Variants in ARID5B observed in about 807,000 individuals in gnomAD.
ARID5B encodes AT-rich interactive domain-containing protein 5B.
In ARID5B, 13 loss-of-function variants were observed where a neutral mutation model predicts 97.2. The observed-to-expected ratio is 0.13, with a 90% confidence interval of 0.09 to 0.21. The LOEUF is 0.21. ARID5B is among the 10% of genes least tolerant of loss of function. The probability of loss-of-function intolerance (pLI) is 1.00; values close to 1 mark genes in which losing one functional copy is unlikely to be tolerated. For missense variants in ARID5B, 1,210 were observed against 1,465.3 expected (o/e 0.83, Z 2.84); for synonymous variants, 556 against 570.3 (o/e 0.97, Z 0.36).
rs992667993 is a variant in ARID5B at position 61,909,321 on chromosome 10, T to G, written c.276+6908T>G. The stretch of plus-strand genomic sequence containing the variant: ...AATATTTAGTGCTATTCAGTGAGTT[T>G]TTTTTTTTTTTTTTTTTTTTTTGAG... On this transcript the variant is annotated intron_variant, in intron 2 of 9. Transcript: ENST00000279873. 2.3e-5 allele frequency among the ~76,000 whole-genome samples: 3 copies of G among 127,734 alleles called. No individual in the cohort carries two copies. In the East Asian group the frequency reaches 6.3e-4, roughly 27 times the overall value. The allele number at this position is 127,734 out of a possible 152,430, so 83.8% of individuals were successfully genotyped here.
intron 4 of ARID5B, among the ~76,000 whole-genome samples, chr10:62,001,491 C>T (rs1169614779): frequency 6.6e-6 from 1 of 152,204 alleles, no homozygotes; most frequent in Non-Finnish European, 1.5e-5. Flanking sequence ...ATTCAGGTTA[C>T]TCTGCTTATC....
intron 3 of ARID5B, among the ~76,000 whole-genome samples, chr10:61,989,061 C>G (rs955221391): frequency 2.7e-5 from 4 of 150,880 alleles, no homozygotes; most frequent in Admixed American, 1.3e-4. Flanking sequence ...TCCCAAGTAG[C>G]TGGGACTACA....
intron 2 of ARID5B, among the ~76,000 whole-genome samples, chr10:61,903,163 G>A (rs1843645616): frequency 1.3e-5 from 2 of 152,074 alleles, no homozygotes; most frequent in South Asian, 4.1e-4. Context: ...ATCTTTGGGG[G>A]TGTGTGGGAC....
rs147592506 is a variant in ARID5B at position 62,092,148 on chromosome 10, G to A, written c.2685G>A (p.Ala895=). Residue 895 remains alanine (A), a synonymous_variant, in exon 10 of 10, where the codon GCG becomes GCA. Coordinates refer to ENST00000279873, the MANE Select transcript of ARID5B (RefSeq NM_032199.3). ...TGCACCTGCAAGACAAAAAGTCGGCGGCAGCAGAAGCCCCTACGGATGATC... is the reference window on the plus strand; with the variant it reads ...TGCACCTGCAAGACAAAAAGTCGGCAGCAGCAGAAGCCCCTACGGATGATC... ...TSLHLQDKKS[A]AAEAPTDDQP... The A allele has an allele frequency of 3.1e-6, 5 of 1,607,368 alleles. No homozygotes were observed. The highest frequency in any genetic ancestry group is 1.1e-5 in the South Asian group (1 of 90,052).
rs1207261525 is a variant in ARID5B at position 62,000,866 on chromosome 10, T to TAGATAGAG, written c.733+552_733+553insGAGATAGA. 2.0e-5 allele frequency among the ~76,000 whole-genome samples: 3 copies of TAGATAGAG among 151,614 alleles called. No homozygotes were observed. The highest frequency in any genetic ancestry group is 7.3e-5 in the African/African-American group (3 of 41,220). ...ATAGATAGATAGATAGATAGATAGA[T>TAGATAGAG]AGATAGATGATAGGTGATAGATATC... On this transcript the variant is annotated intron_variant, in intron 4 of 9. Transcript: ENST00000279873. This position sits in a 1 kb window ranked among gnomAD's most constrained non-coding sequence, Gnocchi z 4.4.
chr10:61,943,338 C>T (rs1407333027), intron 3 of ARID5B, among the ~76,000 whole-genome samples: 4 of 152,124 alleles, frequency 2.6e-5, no homozygotes, highest in African/African-American at 9.7e-5. Context: ...CTGTTGGTCA[C>T]ACTGAAACCA....
In ARID5B at chr10:61,956,465, C is replaced by T. The variant is rs183927324; in HGVS notation, c.502+16057C>T. On this transcript the variant is annotated intron_variant, in intron 3 of 9. Coordinates refer to ENST00000279873, the MANE Select transcript of ARID5B (RefSeq NM_032199.3). ...CATAAACAATTGTATTAACTGTATACTGTTGTTTCCAGTTCTATTCTTATA... is the reference window on the plus strand; with the variant it reads ...CATAAACAATTGTATTAACTGTATATTGTTGTTTCCAGTTCTATTCTTATA... Among the ~76,000 whole-genome samples the T allele has an allele frequency of 1.7e-3, 252 of 152,356 alleles. No individual in the cohort carries two copies. The Middle Eastern group carries it at 0.034, about 21-fold the overall frequency.
chr10:61,941,039 G>T, intron 3 of ARID5B, among the ~76,000 whole-genome samples: 1 of 123,010 alleles, frequency 8.1e-6, no homozygotes, highest in South Asian at 2.8e-4. Flanking sequence ...GGAGAACTTG[G>T]GCTTTGGAGT....
At chr10:62,086,703 A>G (rs1413580944) in intron 9 of ARID5B, among the ~76,000 whole-genome samples, 2 of 143,742 alleles carry the variant, frequency 1.4e-5, no homozygotes, top group African/African-American at 5.1e-5. Context: ...AAAAAAAAAA[A>G]AAAAAAAAAT....
At chr10:61,966,663 C>T (rs187914247) in intron 3 of ARID5B, among the ~76,000 whole-genome samples, 3 of 152,214 alleles carry the variant, frequency 2.0e-5, no homozygotes, top group African/African-American at 7.2e-5. Flanking sequence ...AACTCTTATC[C>T]CACATGAAAG....
chr10:62,002,428 C>T (rs1199075732), intron 4 of ARID5B, among the ~76,000 whole-genome samples: 1 of 152,164 alleles, frequency 6.6e-6, no homozygotes, highest in Non-Finnish European at 1.5e-5. Context: ...TTCTAGATGG[C>T]TAGTTTAATA....
In ARID5B at chr10:62,094,836, G is replaced by C. The variant is rs1017555571; in HGVS notation, c.*1806G>C. ...AGTTAACTAAGTCTTTTACCTCTGA[G>C]ATACTTAATTCTGGGAAAATTGGTG... On this transcript the variant is annotated 3_prime_UTR_variant, in exon 10 of 10. Transcript: ENST00000279873. 1.7e-5 allele frequency: 4 copies of C among 231,340 alleles called. No homozygotes were observed. Among genetic ancestry groups the C allele is most frequent in the Non-Finnish European group, 2.6e-5 (3 of 116,716 alleles). 14.3% of individuals were successfully genotyped at this position (231,340 alleles called of 1,614,324 possible). A position where few individuals can be genotyped will look rare whatever the true frequency, so the allele number is the denominator to read the frequency against.
At chr10:61,997,452 T>A (rs1280735719) in intron 3 of ARID5B, among the ~76,000 whole-genome samples, 1 of 152,040 alleles carries the variant, frequency 6.6e-6, no homozygotes, top group African/African-American at 2.4e-5. Flanking sequence ...CCAGGTGACA[T>A]CTTCCATGAA....
intron 4 of ARID5B, among the ~76,000 whole-genome samples, chr10:62,045,964 TCAAAC>T (rs1839702932): frequency 1.3e-5 from 2 of 152,102 alleles, no homozygotes; most frequent in Non-Finnish European, 2.9e-5. Flanking sequence ...ACCTCGGGGG[TCAAAC>T]TCTTAGGAAA....
intron 2 of ARID5B, among the ~76,000 whole-genome samples, chr10:61,939,063 T>TGGGGAGGAGG (rs1844355679): frequency 6.6e-6 from 1 of 151,362 alleles, no homozygotes; most frequent in African/African-American, 2.4e-5. Context: ...AAGTCATGTT[T>TGGGGAGGAGG]AACAGCAAAA....
At chr10:61,972,469 T>C (rs1838642845) in intron 3 of ARID5B, among the ~76,000 whole-genome samples, 1 of 152,130 alleles carries the variant, frequency 6.6e-6, no homozygotes, top group Non-Finnish European at 1.5e-5. Context: ...CCTCAGGTGA[T>C]CCACCTGCCT....
At chr10:62,082,488 A>G (rs997789866) in intron 8 of ARID5B, among the ~76,000 whole-genome samples, 2 of 152,200 alleles carry the variant, frequency 1.3e-5, no homozygotes, top group African/African-American at 2.4e-5. Context: ...TGGGGGCTGG[A>G]GTGCATGTTT....
At chr10:62,021,066 A>ATATATC (rs1487253733) in intron 4 of ARID5B, among the ~76,000 whole-genome samples, 16 of 133,340 alleles carry the variant, frequency 1.2e-4, no homozygotes, top group African/African-American at 3.1e-4. Context: ...ATATATATAT[A>ATATATC]TATCTCAGAA....
intron 8 of ARID5B, among the ~76,000 whole-genome samples, chr10:62,074,315 A>C (rs1386857106): frequency 6.6e-6 from 1 of 152,214 alleles, no homozygotes; most frequent in Non-Finnish European, 1.5e-5. Context: ...TGCACACATA[A>C]TGCCTAATTT....
Sources: allele counts gnomAD v4.1 joint callset (sites outside exome capture counted in the v4.1 genomes callset), GRCh38; gene constraint gnomAD v4.1.1; non-coding constraint Gnocchi (gnomAD v3.1); transcripts MANE v1.5; gene names NCBI Gene and HGNC (gene_info 2026-07-23, HGNC 2026-07-21).